Variants in ATF7 observed in about 807,000 individuals in gnomAD.
ATF7 encodes the protein cyclic AMP-dependent transcription factor ATF-7.
Under a neutral mutation model 50.4 loss-of-function variants are expected in ATF7, and 10 were observed. The ratio of observed to expected loss-of-function variants is 0.20; its 90% CI spans 0.12 to 0.34. ATF7 has a LOEUF of 0.34. Ranked by LOEUF, ATF7 falls within the 10% of genes least tolerant of loss-of-function variation. ATF7 has a pLI of 1.00. For synonymous variants in ATF7, 201 were observed against 226.4 expected (o/e 0.89, Z 1.01); for missense variants, 465 against 613.9 (o/e 0.76, Z 2.56).
intron 11 of ATF7, among the ~76,000 whole-genome samples, chr12:53,521,046 G>A (rs1222216419): frequency 6.6e-6 from 1 of 150,666 alleles, no homozygotes; most frequent in Non-Finnish European, 1.5e-5. Context: ...AGGCTGGAGC[G>A]CAATGGCACC....
rs55904354 is a variant in ATF7 at position 53,587,366 on chromosome 12, C to CAAAAAAAAAAAAAAAAAA, written c.48+13586_48+13587insTTTTTTTTTTTTTTTTTT. 2.4e-4 allele frequency among the ~76,000 whole-genome samples: 15 copies of CAAAAAAAAAAAAAAAAAA among 62,282 alleles called. 1 individual carries two copies. The highest frequency in any genetic ancestry group is 1.8e-4 in the Non-Finnish European group (6 of 32,890). 40.9% of individuals were successfully genotyped at this position (62,282 alleles called of 152,430 possible). A position where few individuals can be genotyped will look rare whatever the true frequency, so the allele number is the denominator to read the frequency against. ...TGGGTGACAGAGCGAAATTCCGCAT[C>CAAAAAAAAAAAAAAAAAA]AAAAAAAAAAAAAAAAAGAAGGAAA... On this transcript the variant is annotated intron_variant, in intron 2 of 11. Transcript: ENST00000420353.
chr12:53,535,536 G>T (rs1038145612), intron 5 of ATF7, among the ~76,000 whole-genome samples: 2 of 152,080 alleles, frequency 1.3e-5, no homozygotes, highest in Non-Finnish European at 2.9e-5. Context: ...GAGGTTCTAA[G>T]AAAATGTTTT....
At chr12:53,614,593 A>G (rs79700963) in intron 1 of ATF7, among the ~76,000 whole-genome samples, 1 of 152,240 alleles carries the variant, frequency 6.6e-6, no homozygotes, top group Non-Finnish European at 1.5e-5. Flanking sequence ...GCACTATCCC[A>G]CAATGACAAT....
intron 1 of ATF7, among the ~76,000 whole-genome samples, chr12:53,607,681 G>A (rs1214336929): frequency 6.6e-6 from 1 of 152,002 alleles, no homozygotes. Context: ...AATTGTACAT[G>A]CACCATAATT....
chr12:53,596,703 G>A (rs1034293403), intron 2 of ATF7, among the ~76,000 whole-genome samples: 6 of 152,024 alleles, frequency 3.9e-5, no homozygotes, highest in African/African-American at 7.2e-5. Flanking sequence ...ATTTATTCCC[G>A]CTTCCACATA....
In ATF7 at chr12:53,593,214, G is replaced by A. The variant is rs536714149; in HGVS notation, c.48+7739C>T. On this transcript the variant is annotated intron_variant, in intron 2 of 11. Transcript: ENST00000420353. ...TAGGCTAGGAGTTCAAGACCAGCCT[G>A]GGCAGCACAGCAAGACCCTGTCTCT... 6.7e-4 allele frequency among the ~76,000 whole-genome samples: 102 copies of A among 152,250 alleles called. 1 individual carries two copies. The South Asian group carries it at 0.01, about 15-fold the overall frequency.
intron 2 of ATF7, among the ~76,000 whole-genome samples, chr12:53,588,586 G>A (rs1412277206): frequency 2.6e-5 from 4 of 152,112 alleles, no homozygotes; most frequent in Non-Finnish European, 4.4e-5. Context: ...TTGTATGTGG[G>A]AGCTTATGGG....
At chr12:53,576,772 C>T (rs954048889) in intron 2 of ATF7, among the ~76,000 whole-genome samples, 3 of 152,102 alleles carry the variant, frequency 2.0e-5, no homozygotes, top group Non-Finnish European at 2.9e-5. Context: ...TGAAGAATCC[C>T]GACCAGGCAC....
intron 1 of ATF7, among the ~76,000 whole-genome samples, chr12:53,602,561 A>G (rs1216558812): frequency 6.6e-6 from 1 of 152,252 alleles, no homozygotes; most frequent in Non-Finnish European, 1.5e-5. Flanking sequence ...TCAGTGTGAT[A>G]GAAACATGGT....
intron 2 of ATF7, among the ~76,000 whole-genome samples, chr12:53,562,406 G>A (rs369272614): frequency 3.3e-5 from 5 of 152,164 alleles, no homozygotes; most frequent in African/African-American, 7.2e-5. Flanking sequence ...TTGAGAGGCC[G>A]AGGCGGGCAG....
chr12:53,591,459 A>G (rs1942933426), intron 2 of ATF7, among the ~76,000 whole-genome samples: 1 of 152,182 alleles, frequency 6.6e-6, no homozygotes, highest in Admixed American at 6.5e-5. Flanking sequence ...CCTCACAGAA[A>G]GAGAACAGAA....
intron 2 of ATF7, chr12:53,574,898 G>T: frequency 3.0e-6 from 1 of 328,684 alleles, no homozygotes. Flanking sequence ...TGCAGAGGGT[G>T]AGCAAGACTT....
intron 6 of ATF7, 148 bp from the exon 7 acceptor site, chr12:53,533,407 A>G: frequency 3.2e-6 from 2 of 625,032 alleles, no homozygotes; most frequent in South Asian, 4.1e-5. Flanking sequence ...CATGAAGGTG[A>G]GAAGGCAGGG....
rs1942261136 is a variant in ATF7, at chr12:53,579,171, G to C, written c.48+21782C>G. On this transcript the variant is annotated intron_variant, in intron 2 of 11. Transcript: ENST00000420353. ...AGGCACAAGAATCACTTGAACCTGG[G>C]AGGCAGAGGTTACAGTGAGCTGAGA... Among the ~76,000 whole-genome samples the C allele has an allele frequency of 2.0e-5, 3 of 152,256 alleles. 1 individual carries two copies. Among genetic ancestry groups the C allele is most frequent in the Admixed American group, 2.0e-4 (3 of 15,286 alleles).
intron 2 of ATF7, among the ~76,000 whole-genome samples, chr12:53,592,886 AATAAAG>A (rs1397262862): frequency 6.6e-6 from 1 of 152,204 alleles, no homozygotes; most frequent in East Asian, 1.9e-4. Flanking sequence ...AGAGGACAAA[AATAAAG>A]ATATTTTGCT....
At chr12:53,569,296 G>A (rs1941620265) in intron 2 of ATF7, among the ~76,000 whole-genome samples, 1 of 152,242 alleles carries the variant, frequency 6.6e-6, no homozygotes, top group African/African-American at 2.4e-5. Flanking sequence ...AAATTGTCTT[G>A]TTCCTGTCTC....
intron 2 of ATF7, among the ~76,000 whole-genome samples, chr12:53,570,187 T>C (rs999188980): frequency 7.9e-5 from 12 of 152,192 alleles, no homozygotes; most frequent in Admixed American, 2.6e-4. Context: ...CCAGAGACAT[T>C]TGGGAAAACC....
At position 53,512,385 on chromosome 12, in the gene ATF7, C is replaced by A. The variant is rs769964567; in HGVS notation, c.*4752G>T. On this transcript the variant is annotated 3_prime_UTR_variant, in exon 12 of 12. Transcript: ENST00000420353. Reference sequence around the variant, plus strand: ...CACTGGGCACTGGGGAGACCCAGACCGAGTTGAGTTCCTTGATAAGATGGA... The same window carrying A: ...CACTGGGCACTGGGGAGACCCAGACAGAGTTGAGTTCCTTGATAAGATGGA... The A allele has an allele frequency of 1.3e-5, 2 of 152,180 alleles. No individual in the cohort carries two copies. The highest frequency in any genetic ancestry group is 4.1e-4 in the South Asian group (2 of 4,824). 9.4% of individuals were successfully genotyped at this position (152,180 alleles called of 1,614,324 possible). A position where few individuals can be genotyped will look rare whatever the true frequency, so the allele number is the denominator to read the frequency against.
At chr12:53,605,610 T>C (rs1365914365) in intron 1 of ATF7, among the ~76,000 whole-genome samples, 1 of 152,142 alleles carries the variant, frequency 6.6e-6, no homozygotes, top group African/African-American at 2.4e-5. Context: ...ATTTACATTC[T>C]AAAAGGAAGA....
Sources: allele counts gnomAD v4.1 joint callset (sites outside exome capture counted in the v4.1 genomes callset), GRCh38; gene constraint gnomAD v4.1.1; transcripts MANE v1.5; gene names NCBI Gene and HGNC (gene_info 2026-07-23, HGNC 2026-07-21).